GALNT2: variants seen among roughly 807,000 people sequenced by gnomAD.
GALNT2 encodes the protein polypeptide N-acetylgalactosaminyltransferase 2, also known as UDP-GalNAc:polypeptide N-acetylgalactosaminyltransferase 2.
A neutral mutation model predicts 81.4 loss-of-function variants in GALNT2; 31 were observed. The observed-to-expected ratio is 0.38, with a 90% CI of 0.29 to 0.51. The LOEUF (loss-of-function observed/expected upper bound fraction) is 0.51, where lower values mean the gene tolerates loss of function less well. Ranked by LOEUF, GALNT2 falls within the 20% of genes least tolerant of loss-of-function variation. GALNT2 has a pLI of 0.87. For synonymous variants in GALNT2, 303 were observed against 287.4 expected (o/e 1.05, Z -0.55); for missense variants, 629 against 765.7 (o/e 0.82, Z 2.11).
At chr1:230,210,190 G>A (rs1057018688) in intron 3 of GALNT2, among the ~76,000 whole-genome samples, 3 of 152,170 alleles carry the variant, frequency 2.0e-5, no homozygotes, top group Non-Finnish European at 2.9e-5. Flanking sequence ...TAAAGTAGAG[G>A]AACCCAGGAA....
At chr1:230,256,361 G>A (rs1008291170) in intron 11 of GALNT2, among the ~76,000 whole-genome samples, 4 of 151,530 alleles carry the variant, frequency 2.6e-5, no homozygotes, top group Non-Finnish European at 4.4e-5. Flanking sequence ...CAGGAAAATC[G>A]CTTGAACTCG....
intron 1 of GALNT2, among the ~76,000 whole-genome samples, chr1:230,091,325 T>C (rs928673453): frequency 6.6e-6 from 1 of 152,050 alleles, no homozygotes; most frequent in African/African-American, 2.4e-5. Flanking sequence ...ACGGCCACCT[T>C]GGCCTCCCAA....
intron 1 of GALNT2, among the ~76,000 whole-genome samples, chr1:230,114,454 C>G (rs1020136410): frequency 6.6e-6 from 1 of 152,204 alleles, no homozygotes; most frequent in Non-Finnish European, 1.5e-5. Context: ...GTTTCCCACA[C>G]GATTACGTCT....
intron 1 of GALNT2, among the ~76,000 whole-genome samples, chr1:230,174,868 C>G (rs1221147134): frequency 2.0e-5 from 3 of 152,212 alleles, no homozygotes; most frequent in Admixed American, 6.5e-5. Context: ...GGTACACCCA[C>G]CACCGCTAGT....
At chr1:230,161,003 T>C (rs1367073902) in intron 1 of GALNT2, among the ~76,000 whole-genome samples, 1 of 152,194 alleles carries the variant, frequency 6.6e-6, no homozygotes, top group Non-Finnish European at 1.5e-5. Flanking sequence ...CTATCTATTG[T>C]GAAGTTGTTG....
chr1:230,224,094 A>G (rs1404761480), intron 3 of GALNT2, among the ~76,000 whole-genome samples: 1 of 152,156 alleles, frequency 6.6e-6, no homozygotes, highest in Non-Finnish European at 1.5e-5. Flanking sequence ...TAAAAACTAA[A>G]CCCTCAGCTT....
At position 230,070,911 on chromosome 1, in the gene GALNT2, G is replaced by A. The variant is rs1200226903; in HGVS notation, c.126+3505G>A. Among the ~76,000 whole-genome samples, 1 of 152,164 alleles carries A rather than the reference G, an allele frequency of 6.6e-6. No individual in the cohort carries two copies. Among genetic ancestry groups the A allele is most frequent in the African/African-American group, 2.4e-5 (1 of 41,426 alleles). On this transcript the variant is annotated intron_variant, in intron 1 of 15. Transcript: ENST00000366672. This position sits in a 1 kb window ranked among gnomAD's most constrained non-coding sequence, Gnocchi z 4.7. The stretch of plus-strand genomic sequence containing the variant: ...GGAAATGGCACAAATCCACTTATTG[G>A]CATTGAGTGAGACCTAGCTGTTTAC...
At chr1:230,239,309 A>C (rs935373442) in intron 6 of GALNT2, among the ~76,000 whole-genome samples, 1 of 152,236 alleles carries the variant, frequency 6.6e-6, no homozygotes, top group African/African-American at 2.4e-5. Flanking sequence ...ATATATAAAC[A>C]GGAGTTTATT....
At chr1:230,115,502 G>A (rs1660819124) in intron 1 of GALNT2, among the ~76,000 whole-genome samples, 1 of 152,180 alleles carries the variant, frequency 6.6e-6, no homozygotes, top group African/African-American at 2.4e-5. Context: ...ACAATGTACG[G>A]ATCTTAATTT....
At chr1:230,130,392 G>A (rs1261976106) in intron 1 of GALNT2, among the ~76,000 whole-genome samples, 4 of 152,154 alleles carry the variant, frequency 2.6e-5, no homozygotes, top group East Asian at 1.9e-4. Flanking sequence ...CTAGATGCTC[G>A]TTTCTGGACA....
intron 11 of GALNT2, among the ~76,000 whole-genome samples, chr1:230,256,621 A>G (rs1288088934): frequency 6.6e-6 from 1 of 152,188 alleles, no homozygotes; most frequent in Admixed American, 6.5e-5. Context: ...TGGAGAGTAG[A>G]TATATTTTAG....
At chr1:230,096,174 C>A (rs899576072) in intron 1 of GALNT2, among the ~76,000 whole-genome samples, 1 of 152,182 alleles carries the variant, frequency 6.6e-6, no homozygotes, top group African/African-American at 2.4e-5. Context: ...CCTCAGCCTG[C>A]ATTTTGGTGT....
rs147977792 is a variant in GALNT2 at position 230,186,344 on chromosome 1, G to A, written c.220+8033G>A. ...CTCCAGGAACTCTGACTGGACGCAT[G>A]CATGCAGTCAATTTGTGTGTTAAGT... On this transcript the variant is annotated intron_variant, in intron 2 of 15. Coordinates refer to ENST00000366672, the MANE Select transcript of GALNT2 (RefSeq NM_004481.5). Among the ~76,000 whole-genome samples the A allele has an allele frequency of 1.6e-3, 245 of 152,302 alleles. 1 individual carries two copies. The highest frequency in any genetic ancestry group is 5.3e-3 in the African/African-American group (219 of 41,558).
intron 1 of GALNT2, among the ~76,000 whole-genome samples, chr1:230,099,283 C>T (rs1329839919): frequency 6.6e-6 from 1 of 152,206 alleles, no homozygotes; most frequent in Non-Finnish European, 1.5e-5. Flanking sequence ...ACACAGGCTG[C>T]TGCACTATTT....
chr1:230,127,790 G>T (rs1245302589), intron 1 of GALNT2, among the ~76,000 whole-genome samples: 2 of 152,102 alleles, frequency 1.3e-5, no homozygotes, highest in Non-Finnish European at 2.9e-5. Context: ...ACACTCCTGG[G>T]TGCGTGAACT....
intron 1 of GALNT2, among the ~76,000 whole-genome samples, chr1:230,096,379 C>T (rs1438795955): frequency 2.6e-5 from 4 of 152,162 alleles, no homozygotes; most frequent in African/African-American, 4.8e-5. Context: ...ATGCATATCT[C>T]GTCAAAGGGA....
chr1:230,260,441 G>C (rs955148570), intron 11 of GALNT2, among the ~76,000 whole-genome samples: 4 of 152,136 alleles, frequency 2.6e-5, no homozygotes, highest in Non-Finnish European at 5.9e-5. Context: ...GAAAAGAGTT[G>C]CTTTGCGTTT....
intron 3 of GALNT2, among the ~76,000 whole-genome samples, chr1:230,222,090 G>A (rs575101578): frequency 4.4e-5 from 6 of 137,198 alleles, no homozygotes; most frequent in African/African-American, 8.6e-5. Flanking sequence ...GCAGTGGTGC[G>A]ATCTCAGCTC....
chr1:230,266,989 G>GACACACACACACAC (rs35956776), intron 14 of GALNT2, among the ~76,000 whole-genome samples: 137 of 146,790 alleles, frequency 9.3e-4, no homozygotes, highest in East Asian at 3.8e-3. Flanking sequence ...GCACGTGTGT[G>GACACACACACACAC]ACACACACAC....
Sources: gnomAD v4.1 joint callset for allele counts (sites outside exome capture counted in the v4.1 genomes callset) on GRCh38, gnomAD v4.1.1 for gene constraint, Gnocchi (gnomAD v3.1) non-coding constraint, MANE v1.5 for transcripts, NCBI Gene and HGNC (gene_info 2026-07-23, HGNC 2026-07-21) for gene names.